Variants in RAPGEF6 observed in about 807,000 individuals in gnomAD.
RAPGEF6 encodes Rap guanine nucleotide exchange factor 6, also known as PDZ domain containing guanine nucleotide exchange factor (GEF) 2.
In RAPGEF6, 56 loss-of-function variants were observed where a neutral mutation model predicts 171.4. That is an observed-to-expected ratio of 0.33 (90% CI 0.26 to 0.41). RAPGEF6 has a LOEUF of 0.41. RAPGEF6 is among the 10% of genes least tolerant of loss of function. The probability of loss-of-function intolerance (pLI) is 1.00; values close to 1 mark genes in which losing one functional copy is unlikely to be tolerated. For synonymous variants in RAPGEF6, 692 were observed against 650.1 expected (o/e 1.06, Z -0.98); for missense variants, 1,674 against 1,921.4 (o/e 0.87, Z 2.41).
intron 1 of RAPGEF6, 65 bp from the exon 2 acceptor site, chr5:131,604,758 CA>C (rs1399476979): frequency 1.3e-6 from 2 of 1,499,738 alleles, no homozygotes; most frequent in Non-Finnish European, 1.8e-6. Context: ...TAAGGCACCC[CA>C]CAATTCTGAT....
rs373497857 is a variant in RAPGEF6, at chr5:131,568,265, T to C, written c.282-6218A>G. 3.9e-5 allele frequency among the ~76,000 whole-genome samples: 6 copies of C among 152,202 alleles called. No individual in the cohort carries two copies. The East Asian group carries it at 5.8e-4, about 15-fold the overall frequency. On this transcript the variant is annotated intron_variant, in intron 4 of 27. Transcript: ENST00000509018. ...CTCTGTTCTTCCTGTACTACTATCA[T>C]TTCTGTCAAATATTTTTGTTTAGTA...
At chr5:131,474,959 G>A (rs1754999869) in intron 16 of RAPGEF6, among the ~76,000 whole-genome samples, 1 of 152,072 alleles carries the variant, frequency 6.6e-6, no homozygotes, top group African/African-American at 2.4e-5. Context: ...TCTATTAAAG[G>A]GAATTAACTG....
chr5:131,504,692 A>T lies in RAPGEF6; in HGVS notation c.1188T>A (p.Ile396=). The T allele has an allele frequency of 6.2e-7, 1 of 1,613,820 alleles. No individual in the cohort carries two copies. Among genetic ancestry groups the T allele is most frequent in the Non-Finnish European group, 8.5e-7 (1 of 1,179,916 alleles). Residue 396 remains isoleucine (I), a synonymous_variant, in exon 11 of 28, where the codon ATT becomes ATA. Transcript: ENST00000509018. The part of the protein sequence containing the change: ...NTHKVEEEGE[I]VMVHEHRELD... ...GTTCCCGATGCTCATGTACCATAACAATTTCTCCCTCTTCCTCAACTTTAT... is the reference window on the plus strand; with the variant it reads ...GTTCCCGATGCTCATGTACCATAACTATTTCTCCCTCTTCCTCAACTTTAT...
At chr5:131,557,623 G>A (rs1046377464) in intron 5 of RAPGEF6, among the ~76,000 whole-genome samples, 1 of 152,126 alleles carries the variant, frequency 6.6e-6, no homozygotes, top group Non-Finnish European at 1.5e-5. Flanking sequence ...CAAATGTTGG[G>A]AGAAAGTTTT....
intron 1 of RAPGEF6, among the ~76,000 whole-genome samples, chr5:131,619,892 A>T (rs1765501539): frequency 6.6e-6 from 1 of 152,230 alleles, no homozygotes; most frequent in Non-Finnish European, 1.5e-5. Context: ...GCTGTGTGAC[A>T]TTAGACTAAT....
intron 26 of RAPGEF6, among the ~76,000 whole-genome samples, chr5:131,429,711 A>C (rs546409808): frequency 6.6e-6 from 1 of 152,266 alleles, no homozygotes; most frequent in African/African-American, 2.4e-5. Context: ...TCTCAGTCCT[A>C]GCATATAAAC....
intron 6 of RAPGEF6, among the ~76,000 whole-genome samples, chr5:131,542,559 G>A (rs1050738346): frequency 2.0e-5 from 3 of 152,168 alleles, no homozygotes; most frequent in Non-Finnish European, 4.4e-5. Flanking sequence ...CATCCATTCT[G>A]ATGAGAGAGA....
intron 24 of RAPGEF6, chr5:131,436,505 AT>A: frequency 4.5e-6 from 4 of 889,678 alleles, no homozygotes; most frequent in Non-Finnish European, 6.6e-6. Context: ...CTAGCAACAT[AT>A]TTTTTAATGC....
chr5:131,536,276 A>G (rs1307491826), intron 6 of RAPGEF6, among the ~76,000 whole-genome samples: 1 of 152,206 alleles, frequency 6.6e-6, no homozygotes, highest in African/African-American at 2.4e-5. Flanking sequence ...GCCCTTTCAA[A>G]GGATCATAAC....
intron 24 of RAPGEF6, 31 bp from the exon 25 acceptor site, chr5:131,433,689 C>T (rs758605062): frequency 7.0e-7 from 1 of 1,433,226 alleles, no homozygotes; most frequent in South Asian, 1.3e-5. Context: ...GATCAAACTA[C>T]AAAAAAAGGG....
intron 18 of RAPGEF6, chr5:131,463,831 C>T: frequency 8.2e-7 from 1 of 1,221,700 alleles, no homozygotes; most frequent in Non-Finnish European, 1.0e-6. Flanking sequence ...TATCATTCAG[C>T]TTCCTCTATA....
chr5:131,595,934 C>T (rs891331256), intron 3 of RAPGEF6, among the ~76,000 whole-genome samples: 2 of 152,142 alleles, frequency 1.3e-5, no homozygotes, highest in South Asian at 4.1e-4. Flanking sequence ...AGGCAGATCA[C>T]TTGAGGTCAG....
chr5:131,436,629 A>C (rs960360187), intron 24 of RAPGEF6, among the ~76,000 whole-genome samples: 5 of 152,222 alleles, frequency 3.3e-5, no homozygotes, highest in Admixed American at 6.5e-5. Context: ...ATAAAAACAA[A>C]AACAAAAACA....
intron 7 of RAPGEF6, among the ~76,000 whole-genome samples, chr5:131,515,074 G>A (rs1757987856): frequency 6.6e-6 from 1 of 152,042 alleles, no homozygotes; most frequent in South Asian, 2.1e-4. Context: ...ACCACCAGAG[G>A]ATATCCTTTT....
intron 5 of RAPGEF6, among the ~76,000 whole-genome samples, chr5:131,554,495 T>C (rs1361647406): frequency 6.6e-6 from 1 of 152,192 alleles, no homozygotes; most frequent in East Asian, 1.9e-4. Flanking sequence ...TCAGTTTAGC[T>C]ACTTATTAGC....
intron 4 of RAPGEF6, among the ~76,000 whole-genome samples, chr5:131,581,761 C>T (rs1245882156): frequency 1.3e-5 from 2 of 152,194 alleles, no homozygotes; most frequent in East Asian, 3.9e-4. Flanking sequence ...GACATTCCCC[C>T]AGTCCTTGTG....
rs60068196 is a variant in RAPGEF6, at chr5:131,545,050, T to G, written c.495+2997A>C. 1.9e-3 allele frequency among the ~76,000 whole-genome samples: 287 copies of G among 152,172 alleles called. 1 individual carries two copies. The highest frequency in any genetic ancestry group is 5.8e-3 in the African/African-American group (242 of 41,526). ...ATATCTCAATAAAGTGATAAGAAAT[T>G]GTATCAAAAAAATTGTTGCAAACTC... On this transcript the variant is annotated intron_variant, in intron 6 of 27. Coordinates refer to ENST00000509018, the MANE Select transcript of RAPGEF6 (RefSeq NM_016340.6).
intron 1 of RAPGEF6, among the ~76,000 whole-genome samples, chr5:131,606,017 G>T (rs1344992561): frequency 8.7e-6 from 1 of 114,758 alleles, no homozygotes; most frequent in East Asian, 2.8e-4. Flanking sequence ...GTGACAGAGT[G>T]AGACTCCATC....
chr5:131,510,535 T>C, intron 7 of RAPGEF6, 44 bp from the exon 8 acceptor site: 3 of 1,571,952 alleles, frequency 1.9e-6, no homozygotes, highest in Non-Finnish European at 2.6e-6. Context: ...ATGTAAAAAA[T>C]ATTATAAGTC....
Sources: gnomAD v4.1 joint callset for allele counts (sites outside exome capture counted in the v4.1 genomes callset) on GRCh38, gnomAD v4.1.1 for gene constraint, MANE v1.5 for transcripts, NCBI Gene and HGNC (gene_info 2026-07-23, HGNC 2026-07-21) for gene names.